GAREM1: variants seen among roughly 807,000 people sequenced by gnomAD.
GAREM1 encodes the protein GRB2-associated and regulator of MAPK protein 1.
GAREM1 carries 26 observed loss-of-function variants against 71.3 expected under a neutral mutation model. The observed-to-expected ratio is 0.36, with a 90% CI of 0.27 to 0.51. The LOEUF (loss-of-function observed/expected upper bound fraction) is 0.51. Ranked by LOEUF, GAREM1 falls within the 20% of genes least tolerant of loss-of-function variation. The pLI is 0.95. For missense variants in GAREM1, 1,026 were observed against 1,103.1 expected (o/e 0.93, Z 0.99); for synonymous variants, 440 against 433.2 (o/e 1.02, Z -0.20).
intron 1 of GAREM1, among the ~76,000 whole-genome samples, chr18:32,451,260 C>G (rs1292056893): frequency 6.6e-6 from 1 of 150,428 alleles, no homozygotes; most frequent in Admixed American, 6.6e-5. Flanking sequence ...CCCCCACCCC[C>G]AAGCTAGCTC....
intron 1 of GAREM1, among the ~76,000 whole-genome samples, chr18:32,424,828 T>A (rs2048558483): frequency 6.6e-6 from 1 of 152,216 alleles, no homozygotes; most frequent in Admixed American, 6.5e-5. Context: ...TAATTCAGCA[T>A]GTTGTCAAAT....
At chr18:32,443,851 C>T (rs554011245) in intron 1 of GAREM1, among the ~76,000 whole-genome samples, 1 of 152,140 alleles carries the variant, frequency 6.6e-6, no homozygotes, top group African/African-American at 2.4e-5. Flanking sequence ...CGTAACAGCC[C>T]AAAGTGGAAA....
chr18:32,345,245 C>G (rs1331414943), intron 2 of GAREM1, among the ~76,000 whole-genome samples: 2 of 152,106 alleles, frequency 1.3e-5, no homozygotes, highest in Non-Finnish European at 2.9e-5. Flanking sequence ...ATGGTTAAAA[C>G]AACTACAAAC....
intron 4 of GAREM1, among the ~76,000 whole-genome samples, chr18:32,279,379 C>G (rs901492982): frequency 2.0e-5 from 3 of 152,232 alleles, no homozygotes; most frequent in Non-Finnish European, 2.9e-5. Flanking sequence ...ACTGCCCCAG[C>G]TCCAGCTCCT....
At chr18:32,462,263 T>C (rs540133800) in intron 1 of GAREM1, among the ~76,000 whole-genome samples, 2 of 152,352 alleles carry the variant, frequency 1.3e-5, no homozygotes, top group Non-Finnish European at 2.9e-5. Flanking sequence ...ATGTAAAGGT[T>C]CCCTTTTCTC....
chr18:32,293,575 T>C (rs1313819568), intron 3 of GAREM1, among the ~76,000 whole-genome samples: 1 of 152,222 alleles, frequency 6.6e-6, no homozygotes, highest in Non-Finnish European at 1.5e-5. Flanking sequence ...CTATTATACT[T>C]TATACTATTA....
chr18:32,409,969 T>A (rs763447272), intron 1 of GAREM1, among the ~76,000 whole-genome samples: 4 of 152,166 alleles, frequency 2.6e-5, no homozygotes, highest in Non-Finnish European at 2.9e-5. Context: ...TATAGAGACA[T>A]TCCTCTCAAT....
intron 1 of GAREM1, among the ~76,000 whole-genome samples, chr18:32,437,789 A>G (rs1415711867): frequency 1.3e-5 from 2 of 152,202 alleles, no homozygotes; most frequent in Non-Finnish European, 2.9e-5. Flanking sequence ...TCCCACATAG[A>G]CAATAGCAAA....
At chr18:32,315,074 T>C (rs2047363046) in intron 2 of GAREM1, among the ~76,000 whole-genome samples, 1 of 152,144 alleles carries the variant, frequency 6.6e-6, no homozygotes, top group Non-Finnish European at 1.5e-5. Flanking sequence ...TTCATATGTA[T>C]GCCAAACACT....
At chr18:32,374,060 G>C (rs750344727) in intron 2 of GAREM1, among the ~76,000 whole-genome samples, 2 of 152,054 alleles carry the variant, frequency 1.3e-5, no homozygotes, top group Non-Finnish European at 2.9e-5. Context: ...TTGAGTTCTC[G>C]GATGTGAAAT....
At position 32,287,956 on chromosome 18, in the gene GAREM1, TG is replaced by T; in HGVS notation, c.640del (p.Gln214SerfsTer34). The part of the protein sequence containing the change: ...RTNESISLPF[Q>X]CKGRFSTRSP... ...TCGGGTGCTAAATCTGCCCTTGCAC[TG>T]GAATGGAAGGCTAATGCTTTCGTTG... On this transcript the variant is annotated frameshift_variant, in exon 4 of 6. Transcript: ENST00000269209. LOFTEE classifies it high-confidence loss of function. The surrounding 1 kb of genome is among the most constrained non-coding windows in gnomAD (Gnocchi z 5.9). The T allele has an allele frequency of 6.2e-7, 1 of 1,614,074 alleles. No homozygotes were observed. Among genetic ancestry groups the T allele is most frequent in the Non-Finnish European group, 8.5e-7 (1 of 1,180,008 alleles).
intron 1 of GAREM1, among the ~76,000 whole-genome samples, chr18:32,406,831 T>C (rs1040052166): frequency 6.6e-6 from 1 of 152,090 alleles, no homozygotes; most frequent in Non-Finnish European, 1.5e-5. Flanking sequence ...ATGGTTGAGG[T>C]ATTATAAGAA....
At chr18:32,335,127 T>A (rs2047576983) in intron 2 of GAREM1, among the ~76,000 whole-genome samples, 1 of 152,210 alleles carries the variant, frequency 6.6e-6, no homozygotes, top group Non-Finnish European at 1.5e-5. Flanking sequence ...ATAAAAGAAC[T>A]CACTCAAGGC....
intron 2 of GAREM1, among the ~76,000 whole-genome samples, chr18:32,334,236 G>T (rs2047566627): frequency 6.6e-6 from 1 of 152,206 alleles, no homozygotes; most frequent in South Asian, 2.1e-4. Context: ...ACACCCCGAG[G>T]GGGGCACATT....
In GAREM1 at chr18:32,287,240, AG is replaced by A; in HGVS notation, c.1356del (p.Tyr453ThrfsTer20). 1.2e-6 allele frequency: 2 copies of A among 1,614,204 alleles called. No individual in the cohort carries two copies. The highest frequency in any genetic ancestry group is 1.7e-6 in the Non-Finnish European group (2 of 1,180,034). The part of the protein sequence containing the change: ...SAGIPGKSEL[P>X]YEELWLEEGK... Reference sequence around the variant, plus strand: ...CCTTCCTCCAGCCACAGCTCTTCGTAGGGAAGTTCTGACTTTCCCGGGATGC... The same window carrying A: ...CCTTCCTCCAGCCACAGCTCTTCGTAGGAAGTTCTGACTTTCCCGGGATGC... On this transcript the variant is annotated frameshift_variant, in exon 4 of 6. Transcript: ENST00000269209. LOFTEE classifies it high-confidence loss of function. The surrounding 1 kb of genome is among the most constrained non-coding windows in gnomAD (Gnocchi z 5.9).
At chr18:32,460,041 GT>G (rs1157006832) in intron 1 of GAREM1, among the ~76,000 whole-genome samples, 11 of 149,554 alleles carry the variant, frequency 7.4e-5, no homozygotes, top group African/African-American at 2.2e-4. Flanking sequence ...TTAAACTCTA[GT>G]TCCCTGCTAG....
chr18:32,452,509 A>G (rs934003964), intron 1 of GAREM1, among the ~76,000 whole-genome samples: 2 of 152,080 alleles, frequency 1.3e-5, no homozygotes, highest in African/African-American at 4.8e-5. Context: ...ATCAATTAAC[A>G]TTTTCTATTA....
chr18:32,372,470 T>C (rs2047991427), intron 2 of GAREM1, among the ~76,000 whole-genome samples: 1 of 152,168 alleles, frequency 6.6e-6, no homozygotes, highest in Non-Finnish European at 1.5e-5. Flanking sequence ...ACTTGAAATG[T>C]TTCCAGGGGT....
At chr18:32,434,055 C>T (rs541872688) in intron 1 of GAREM1, among the ~76,000 whole-genome samples, 1 of 151,978 alleles carries the variant, frequency 6.6e-6, no homozygotes, top group African/African-American at 2.4e-5. Flanking sequence ...CTGTGTTGTA[C>T]TGGTGAATGG....
Sources: allele counts gnomAD v4.1 joint callset (sites outside exome capture counted in the v4.1 genomes callset), GRCh38; gene constraint gnomAD v4.1.1; non-coding constraint Gnocchi (gnomAD v3.1); transcripts MANE v1.5; gene names NCBI Gene and HGNC (gene_info 2026-07-23, HGNC 2026-07-21).